The following CNTNAP2 variants were observed in gnomAD, a reference collection of about 807,000 sequenced individuals.
CNTNAP2 encodes contactin-associated protein-like 2.
Under a neutral mutation model 155.2 loss-of-function variants are expected in CNTNAP2, and 98 were observed. The observed-to-expected ratio is 0.63, with a 90% CI of 0.54 to 0.75. CNTNAP2 has a LOEUF of 0.75. Ranked by LOEUF, CNTNAP2 falls within the 30% of genes least tolerant of loss-of-function variation. The pLI is 0.00. For synonymous variants in CNTNAP2, 651 were observed against 631.2 expected (o/e 1.03, Z -0.47); for missense variants, 1,727 against 1,688.1 (o/e 1.02, Z -0.40).
At chr7:147,603,776 C>A (rs1009551754) in intron 12 of CNTNAP2, among the ~76,000 whole-genome samples, 1 of 150,618 alleles carries the variant, frequency 6.6e-6, no homozygotes, top group Non-Finnish European at 1.5e-5. Flanking sequence ...CAATCCTAAG[C>A]CAAAAGAACA....
At chr7:148,248,007 C>A (rs754968177) in intron 20 of CNTNAP2, among the ~76,000 whole-genome samples, 4 of 151,980 alleles carry the variant, frequency 2.6e-5, no homozygotes, top group African/African-American at 9.7e-5. Context: ...GAAATTTACA[C>A]ACTTTAAATG....
At chr7:146,591,118 T>G (rs763767254) in intron 1 of CNTNAP2, among the ~76,000 whole-genome samples, 9 of 152,184 alleles carry the variant, frequency 5.9e-5, no homozygotes, top group Non-Finnish European at 1.0e-4. Context: ...CTTTGTTTCA[T>G]GCACAAATTA....
At chr7:147,786,871 AGGTGG>A (rs1378700196) in intron 13 of CNTNAP2, among the ~76,000 whole-genome samples, 1 of 151,934 alleles carries the variant, frequency 6.6e-6, no homozygotes, top group Non-Finnish European at 1.5e-5. Context: ...CATGAAACTG[AGGTGG>A]GAGGATATGT....
intron 10 of CNTNAP2, among the ~76,000 whole-genome samples, chr7:147,423,059 A>G (rs1309621762): frequency 6.6e-6 from 1 of 152,206 alleles, no homozygotes; most frequent in East Asian, 1.9e-4. Flanking sequence ...CTGGAACTGA[A>G]TAGCAGTTGC....
At chr7:146,672,193 C>T (rs939120175) in intron 1 of CNTNAP2, among the ~76,000 whole-genome samples, 9 of 152,246 alleles carry the variant, frequency 5.9e-5, no homozygotes. Flanking sequence ...CCTGGTGAAA[C>T]ATAACCATTC....
chr7:148,331,502 T>TGATG lies in CNTNAP2; in HGVS notation c.3476-52128_3476-52125dup, dbSNP rs1196063287. 6.0e-4 allele frequency among the ~76,000 whole-genome samples: 28 copies of TGATG among 46,874 alleles called. 2 individuals carry two copies. Among genetic ancestry groups the TGATG allele is most frequent in the African/African-American group, 2.8e-3 (28 of 10,160 alleles). 30.8% of individuals were successfully genotyped at this position (46,874 alleles called of 152,430 possible). Reference sequence around the variant, plus strand: ...GACGGATGGAATGGACAGATGGAGTTGATGGATGGATGGATGGATGGAATG... The same window carrying TGATG: ...GACGGATGGAATGGACAGATGGAGTTGATGGATGGATGGATGGATGGATGGAATG... On this transcript the variant is annotated intron_variant, in intron 21 of 23. Transcript: ENST00000361727.
At chr7:146,413,659 C>G (rs1404909315) in intron 1 of CNTNAP2, among the ~76,000 whole-genome samples, 1 of 152,100 alleles carries the variant, frequency 6.6e-6, no homozygotes, top group Non-Finnish European at 1.5e-5. Flanking sequence ...TCTCTCTCTT[C>G]CTGTTTCTCT....
chr7:148,280,333 G>C (rs1796950560), intron 21 of CNTNAP2, among the ~76,000 whole-genome samples: 1 of 152,110 alleles, frequency 6.6e-6, no homozygotes, highest in Non-Finnish European at 1.5e-5. Flanking sequence ...AAAAAAGAGA[G>C]ATTCTTCTGC....
rs572243698 is a variant in CNTNAP2, at chr7:147,680,749, T to C, written c.2098+41443T>C. 4.0e-5 allele frequency among the ~76,000 whole-genome samples: 6 copies of C among 150,618 alleles called. No individual in the cohort carries two copies. The South Asian group carries it at 6.2e-4, about 16-fold the overall frequency. On this transcript the variant is annotated intron_variant, in intron 13 of 23. Coordinates refer to ENST00000361727, the MANE Select transcript of CNTNAP2 (RefSeq NM_014141.6). ...CTGATGTTCTTGCCATTGCACATGC[T>C]CTCTCTCTCTCTGTCTCCCTCTCTA...
At chr7:148,076,738 C>T (rs769396461) in intron 15 of CNTNAP2, among the ~76,000 whole-genome samples, 2 of 151,948 alleles carry the variant, frequency 1.3e-5, no homozygotes, top group South Asian at 2.1e-4. Flanking sequence ...CCACCGTGCC[C>T]GGCCGATAGC....
chr7:148,054,368 A>G (rs903911737), intron 15 of CNTNAP2, among the ~76,000 whole-genome samples: 2 of 151,084 alleles, frequency 1.3e-5, no homozygotes, highest in African/African-American at 2.4e-5. Flanking sequence ...GTATGCATCT[A>G]GTAATCTGAT....
intron 5 of CNTNAP2, among the ~76,000 whole-genome samples, chr7:147,119,157 C>T (rs923656962): frequency 1.3e-5 from 2 of 152,198 alleles, no homozygotes; most frequent in Non-Finnish European, 2.9e-5. Flanking sequence ...CACACACACA[C>T]TGCAGTTGAA....
intron 1 of CNTNAP2, among the ~76,000 whole-genome samples, chr7:146,496,381 C>T (rs182491611): frequency 6.6e-6 from 1 of 152,278 alleles, no homozygotes; most frequent in East Asian, 1.9e-4. Context: ...TTTTCAGATA[C>T]ATTCACCGAT....
At chr7:147,741,048 C>G (rs1181217828) in intron 13 of CNTNAP2, among the ~76,000 whole-genome samples, 1 of 152,212 alleles carries the variant, frequency 6.6e-6, no homozygotes, top group Non-Finnish European at 1.5e-5. Context: ...GCACTTCTGG[C>G]TCCTGGAGGC....
rs115425968 is a variant in CNTNAP2, at chr7:146,675,325, T to C, written c.98-98946T>C. The stretch of plus-strand genomic sequence containing the variant: ...AATTCTGATCTTGGATCATCTGAAA[T>C]ACATTTACTAAAAAAACCTGATATG... On this transcript the variant is annotated intron_variant, in intron 1 of 23. Transcript: ENST00000361727. Among the ~76,000 whole-genome samples the C allele has an allele frequency of 6.6e-3, 1,001 of 152,236 alleles. 5 individuals are homozygous for C. Among genetic ancestry groups the C allele is most frequent in the African/African-American group, 0.022 (925 of 41,532 alleles).
Position 146,251,910 on chromosome 7 carries a change from C to A in CNTNAP2, c.97+134937C>A, listed in dbSNP as rs539348290. Among the ~76,000 whole-genome samples, 9 of 152,264 alleles carry A rather than the reference C, an allele frequency of 5.9e-5. No individual in the cohort carries two copies. In the South Asian group the frequency reaches 1.9e-3, roughly 32 times the overall value. ...GGTCTGGGTCTTCTTTATCAGTCAG[C>A]TTTTGTATTGCAATAACCTACAATC... On this transcript the variant is annotated intron_variant, in intron 1 of 23. Transcript: ENST00000361727.
Position 148,274,830 on chromosome 7 carries a change from G to A in CNTNAP2, c.3475+7704G>A, listed in dbSNP as rs80209250. On this transcript the variant is annotated intron_variant, in intron 21 of 23. Transcript: ENST00000361727. Reference sequence around the variant, plus strand: ...ACAATCTCTTACTCTACCATTTGCCGATTGTATGACTTTGTCGGGTTACTT... The same window carrying A: ...ACAATCTCTTACTCTACCATTTGCCAATTGTATGACTTTGTCGGGTTACTT... Among the ~76,000 whole-genome samples, 1,350 of 152,224 alleles carry A rather than the reference G, an allele frequency of 8.9e-3. 25 individuals carry two copies. The highest frequency in any genetic ancestry group is 0.03 in the African/African-American group (1,266 of 41,524).
intron 1 of CNTNAP2, among the ~76,000 whole-genome samples, chr7:146,600,211 T>C (rs908741729): frequency 6.6e-6 from 1 of 152,124 alleles, no homozygotes; most frequent in African/African-American, 2.4e-5. Context: ...AGGGCACCCA[T>C]GATACCTGGC....
At chr7:147,561,731 G>C (rs1298695313) in intron 11 of CNTNAP2, among the ~76,000 whole-genome samples, 2 of 152,144 alleles carry the variant, frequency 1.3e-5, no homozygotes, top group Admixed American at 1.3e-4. Context: ...GAGGCAGAGA[G>C]AGTGAAGGGT....
Sources: gnomAD v4.1 joint callset for allele counts (sites outside exome capture counted in the v4.1 genomes callset) on GRCh38, gnomAD v4.1.1 for gene constraint, MANE v1.5 for transcripts, NCBI Gene and HGNC (gene_info 2026-07-23, HGNC 2026-07-21) for gene names.